The following ZFAT variants were observed in gnomAD, a reference collection of about 807,000 sequenced individuals.
ZFAT encodes zinc finger protein ZFAT.
ZFAT carries 64 observed loss-of-function variants against 117.7 expected under a neutral mutation model. The ratio of observed to expected loss-of-function variants is 0.54; its 90% CI spans 0.44 to 0.67. The LOEUF is 0.67. ZFAT is among the 30% of genes least tolerant of loss of function. The pLI is 0.00. For synonymous variants in ZFAT, 679 were observed against 615.0 expected, an observed-to-expected ratio of 1.10 and a Z score of -1.54; for missense variants, 1,433 against 1,584.5, an observed-to-expected ratio of 0.90 and a Z score of 1.62.
intron 10 of ZFAT, among the ~76,000 whole-genome samples, chr8:134,581,638 T>G (rs967219403): frequency 1.3e-5 from 2 of 151,932 alleles, no homozygotes; most frequent in Non-Finnish European, 2.9e-5. Flanking sequence ...CTGCCTGGAG[T>G]GCAGTGGTGC....
intron 15 of ZFAT, among the ~76,000 whole-genome samples, chr8:134,495,936 A>G (rs1366859155): frequency 1.3e-5 from 2 of 152,134 alleles, no homozygotes; most frequent in Non-Finnish European, 2.9e-5. Context: ...TCTCAAAGAA[A>G]AAAAAAAAGT....
intron 1 of ZFAT, among the ~76,000 whole-genome samples, chr8:134,667,248 C>T (rs570210566): frequency 3.9e-5 from 6 of 152,102 alleles, no homozygotes; most frequent in Non-Finnish European, 8.8e-5. Flanking sequence ...AATCCCAGCA[C>T]TTTGGGAGGC....
chr8:134,625,671 G>A (rs925497496), intron 3 of ZFAT, among the ~76,000 whole-genome samples: 2 of 152,084 alleles, frequency 1.3e-5, no homozygotes, highest in African/African-American at 2.4e-5. Context: ...CAGGAAGTGG[G>A]AGAAAAAAAG....
At chr8:134,528,759 A>G (rs948702905) in intron 12 of ZFAT, among the ~76,000 whole-genome samples, 2 of 152,194 alleles carry the variant, frequency 1.3e-5, no homozygotes, top group Non-Finnish European at 2.9e-5. Flanking sequence ...AAGGGGATGT[A>G]TTCCTTCTGC....
intron 1 of ZFAT, among the ~76,000 whole-genome samples, chr8:134,705,105 A>C (rs941695941): frequency 3.2e-4 from 49 of 152,318 alleles, no homozygotes; most frequent in African/African-American, 1.1e-3. Context: ...ATACACACAC[A>C]CACATATATA....
intron 10 of ZFAT, among the ~76,000 whole-genome samples, chr8:134,568,329 A>T (rs1434362602): frequency 2.6e-5 from 4 of 152,200 alleles, no homozygotes; most frequent in South Asian, 2.1e-4. Context: ...ATACAGTAAC[A>T]TCTTCTTTCA....
intron 3 of ZFAT, among the ~76,000 whole-genome samples, chr8:134,634,063 AC>A (rs1472359865): frequency 1.3e-5 from 1 of 79,492 alleles, no homozygotes; most frequent in African/African-American, 4.1e-5. Flanking sequence ...ACAAAACAAA[AC>A]AAAACAAACA....
At chr8:134,739,287 ATG>A in the ZFAT span, among the ~76,000 whole-genome samples, 8,262 of 150,384 alleles carry the variant, frequency 0.055, 262 homozygotes, top group African/African-American at 0.075. Context: ...GTGTGTAGAG[ATG>A]TGTGTGTGTG....
At chr8:134,631,757 A>C (rs1292189320) in intron 3 of ZFAT, among the ~76,000 whole-genome samples, 3 of 152,200 alleles carry the variant, frequency 2.0e-5, no homozygotes, top group Non-Finnish European at 4.4e-5. Flanking sequence ...GCAGCAAGCC[A>C]CGCGCACTCA....
At chr8:134,724,918 A>G in the ZFAT span, among the ~76,000 whole-genome samples, 1 of 152,160 alleles carries the variant, frequency 6.6e-6, no homozygotes, top group East Asian at 1.9e-4. Context: ...AGTCCTTGGC[A>G]ACCAAGCTCA....
intron 15 of ZFAT, among the ~76,000 whole-genome samples, chr8:134,491,735 G>T (rs918793788): frequency 6.6e-6 from 1 of 152,126 alleles, no homozygotes; most frequent in African/African-American, 2.4e-5. Flanking sequence ...TTAAGGACAC[G>T]TGTGATCACA....
At chr8:134,650,024 C>G (rs1831141517) in intron 2 of ZFAT, among the ~76,000 whole-genome samples, 1 of 152,184 alleles carries the variant, frequency 6.6e-6, no homozygotes, top group African/African-American at 2.4e-5. Context: ...AAGAAGGTTC[C>G]TGCTTCTCCT....
intron 1 of ZFAT, among the ~76,000 whole-genome samples, chr8:134,711,437 T>C (rs887629216): frequency 2.6e-5 from 4 of 152,144 alleles, no homozygotes; most frequent in African/African-American, 9.7e-5. Flanking sequence ...CGGTGCTCAT[T>C]TTAGGCTAAC....
chr8:134,598,578 A>G (rs901379798), intron 7 of ZFAT: 1 of 152,326 alleles, frequency 6.6e-6, no homozygotes, highest in African/African-American at 2.4e-5. Context: ...CAGCTGGGGT[A>G]AGAAAATCAC....
the ZFAT span, among the ~76,000 whole-genome samples, chr8:134,821,946 G>A: frequency 6.6e-6 from 1 of 152,082 alleles, no homozygotes; most frequent in Non-Finnish European, 1.5e-5. Flanking sequence ...AAGTTGTTTG[G>A]TCTAATAAAC....
At chr8:134,811,678 A>G in the ZFAT span, among the ~76,000 whole-genome samples, 2 of 152,176 alleles carry the variant, frequency 1.3e-5, no homozygotes, top group Admixed American at 1.3e-4. Context: ...CCAACCCTAG[A>G]GCACCCATTC....
chr8:134,751,555 A>T, the ZFAT span, among the ~76,000 whole-genome samples: 1 of 152,218 alleles, frequency 6.6e-6, no homozygotes, highest in Admixed American at 6.5e-5. Context: ...AGAATCTGAA[A>T]AATAGTAAAA....
chr8:134,556,511 A>ATT (rs1823635502), intron 11 of ZFAT, among the ~76,000 whole-genome samples: 3 of 152,170 alleles, frequency 2.0e-5, no homozygotes, highest in Non-Finnish European at 2.9e-5. Flanking sequence ...AGGAAACCAC[A>ATT]CCTAGACTTG....
chr8:134,781,962 C>T, the ZFAT span, among the ~76,000 whole-genome samples: 124 of 151,332 alleles, frequency 8.2e-4, 2 homozygotes, highest in Admixed American at 1.6e-3. Context: ...ATCAGTAAGG[C>T]TTCCAGTCAA....
Sources: gnomAD v4.1 joint callset for allele counts (sites outside exome capture counted in the v4.1 genomes callset) on GRCh38, gnomAD v4.1.1 for gene constraint, MANE v1.5 for transcripts, NCBI Gene and HGNC (gene_info 2026-07-23, HGNC 2026-07-21) for gene names.